The following LRBA variants were observed in gnomAD, a reference collection of about 807,000 sequenced individuals.
LRBA encodes lipopolysaccharide-responsive and beige-like anchor protein.
Under a neutral mutation model 330.0 loss-of-function variants are expected in LRBA, and 176 were observed. The observed-to-expected ratio is 0.53, with a 90% CI of 0.47 to 0.60. The LOEUF (loss-of-function observed/expected upper bound fraction) is 0.60. Ranked by LOEUF, LRBA falls within the 20% of genes least tolerant of loss-of-function variation. The pLI, the probability that LRBA is intolerant of heterozygous loss-of-function variation, is 0.00. For synonymous variants in LRBA, 1,230 were observed against 1,193.0 expected, an observed-to-expected ratio of 1.03 and a Z score of -0.64; for missense variants, 3,259 against 3,444.8, an observed-to-expected ratio of 0.95 and a Z score of 1.35.
chr4:150,867,004 T>C (rs1752786249), intron 22 of LRBA, among the ~76,000 whole-genome samples: 1 of 150,694 alleles, frequency 6.6e-6, no homozygotes, highest in South Asian at 2.1e-4. Flanking sequence ...AAAGCAATTA[T>C]AGAGGAGTAA....
intron 37 of LRBA, among the ~76,000 whole-genome samples, chr4:150,652,014 T>G (rs1224387756): frequency 1.3e-5 from 2 of 152,090 alleles, no homozygotes; most frequent in Non-Finnish European, 2.9e-5. Flanking sequence ...CAGATAATTT[T>G]TGTATTTTTT....
chr4:150,820,945 T>A (rs985056783), intron 30 of LRBA, among the ~76,000 whole-genome samples: 4 of 152,062 alleles, frequency 2.6e-5, no homozygotes, highest in African/African-American at 9.7e-5. Flanking sequence ...AAACTAAGCA[T>A]TTAATATTAC....
At chr4:150,777,066 T>TTTTTTTTTG (rs370456829) in intron 34 of LRBA, among the ~76,000 whole-genome samples, 59 of 134,366 alleles carry the variant, frequency 4.4e-4, no homozygotes, top group African/African-American at 2.1e-3. Context: ...TTTGAGGGGT[T>TTTTTTTTTG]TTGTTGTTGT....
At chr4:150,746,037 T>C (rs1302424330) in intron 35 of LRBA, among the ~76,000 whole-genome samples, 3 of 152,222 alleles carry the variant, frequency 2.0e-5, no homozygotes, top group East Asian at 3.8e-4. Context: ...TGTTCACTTT[T>C]CAGAATACAT....
intron 2 of LRBA, among the ~76,000 whole-genome samples, chr4:150,943,546 G>C (rs1032530397): frequency 2.6e-5 from 4 of 152,116 alleles, no homozygotes; most frequent in African/African-American, 7.2e-5. Flanking sequence ...TCTTAGATAG[G>C]CAGCTGGATG....
intron 8 of LRBA, among the ~76,000 whole-genome samples, chr4:150,914,706 A>G (rs1456877512): frequency 6.6e-6 from 1 of 152,174 alleles, no homozygotes; most frequent in Admixed American, 6.5e-5. Context: ...AAAGCTATTT[A>G]TTACAATGCC....
intron 36 of LRBA, among the ~76,000 whole-genome samples, chr4:150,702,621 A>G (rs1205202350): frequency 6.6e-6 from 1 of 152,244 alleles, no homozygotes; most frequent in African/African-American, 2.4e-5. Flanking sequence ...ATAGTTAATT[A>G]GTGGCAGAAC....
chr4:150,614,210 G>A (rs1423429544), intron 37 of LRBA, among the ~76,000 whole-genome samples: 1 of 152,146 alleles, frequency 6.6e-6, no homozygotes, highest in East Asian at 1.9e-4. Flanking sequence ...TCCTACACCT[G>A]ACAGTTCAAC....
chr4:150,592,314 A>G (rs1772984845), intron 38 of LRBA, among the ~76,000 whole-genome samples: 1 of 151,782 alleles, frequency 6.6e-6, no homozygotes, highest in Non-Finnish European at 1.5e-5. Context: ...CTGATTTGGC[A>G]GATCAAAGGT....
chr4:150,349,408 A>C (rs2127052302), intron 48 of LRBA, among the ~76,000 whole-genome samples: 1 of 152,316 alleles, frequency 6.6e-6, no homozygotes, highest in South Asian at 2.1e-4. Context: ...ATTAGATTAG[A>C]AATACTAAAA....
At chr4:150,892,331 T>C (rs1221690538) in intron 17 of LRBA, among the ~76,000 whole-genome samples, 1 of 152,222 alleles carries the variant, frequency 6.6e-6, no homozygotes, top group Non-Finnish European at 1.5e-5. Flanking sequence ...ATCATTAGTA[T>C]TTGGAGAGGG....
intron 37 of LRBA, among the ~76,000 whole-genome samples, chr4:150,626,940 T>C (rs1034868980): frequency 6.6e-6 from 1 of 152,152 alleles, no homozygotes; most frequent in South Asian, 2.1e-4. Context: ...TCACTTCTTC[T>C]AAAATCATAC....
At chr4:150,403,597 C>T (rs1025526209) in intron 47 of LRBA, among the ~76,000 whole-genome samples, 2 of 151,762 alleles carry the variant, frequency 1.3e-5, no homozygotes, top group African/African-American at 4.8e-5. Context: ...AACTTCAAAC[C>T]TATAGTAACT....
At chr4:150,580,893 G>T (rs551163797) in intron 40 of LRBA, 2 of 152,984 alleles carry the variant, frequency 1.3e-5, no homozygotes, top group Non-Finnish European at 2.9e-5. Flanking sequence ...GATTTTTGTG[G>T]CAGTGAAGTC....
intron 33 of LRBA, among the ~76,000 whole-genome samples, chr4:150,805,589 AGG>A (rs1560842834): frequency 3.1e-4 from 42 of 137,372 alleles, no homozygotes; most frequent in African/African-American, 6.0e-4. Flanking sequence ...AGGAAAGGAA[AGG>A]AAAGGAAAGG....
intron 35 of LRBA, among the ~76,000 whole-genome samples, chr4:150,747,599 C>T (rs1011817405): frequency 6.6e-6 from 1 of 152,276 alleles, no homozygotes; most frequent in Middle Eastern, 3.4e-3. Flanking sequence ...AGTTATAGGA[C>T]TATATACAAA....
chr4:150,576,488 TAGTC>T (rs927723141), intron 40 of LRBA, among the ~76,000 whole-genome samples: 9 of 152,060 alleles, frequency 5.9e-5, no homozygotes, highest in South Asian at 2.1e-4. Flanking sequence ...ATTTACTTCT[TAGTC>T]AGGCTAAAAG....
chr4:150,799,891 C>T (rs1486783408), intron 33 of LRBA, among the ~76,000 whole-genome samples: 2 of 152,070 alleles, frequency 1.3e-5, no homozygotes, highest in Non-Finnish European at 2.9e-5. Context: ...ATTACAGGCG[C>T]CCACCACCAC....
At chr4:150,818,525 C>T (rs900845872) in intron 30 of LRBA, among the ~76,000 whole-genome samples, 5 of 110,858 alleles carry the variant, frequency 4.5e-5, no homozygotes, top group Admixed American at 9.3e-5. Flanking sequence ...GTAGATATGA[C>T]GAATGTCTGT....
Sources: allele counts gnomAD v4.1 joint callset (sites outside exome capture counted in the v4.1 genomes callset), GRCh38; gene constraint gnomAD v4.1.1; transcripts MANE v1.5; gene names NCBI Gene and HGNC (gene_info 2026-07-23, HGNC 2026-07-21).